Variants in LYPLAL1 observed in about 807,000 individuals in gnomAD.
LYPLAL1 encodes lysophospholipase like 1.
Under a neutral mutation model 19.7 loss-of-function variants are expected in LYPLAL1, and 23 were observed. The ratio of observed to expected loss-of-function variants is 1.17; its 90% CI spans 0.84 to 1.65. LYPLAL1 has a LOEUF of 1.65. Ranked by LOEUF, LYPLAL1 falls within the 40% of genes most tolerant of loss-of-function variation. The pLI, the probability that LYPLAL1 is intolerant of heterozygous loss-of-function variation, is 0.00. For synonymous variants in LYPLAL1, 119 were observed against 96.3 expected, an observed-to-expected ratio of 1.24 and a Z score of -1.38; for missense variants, 355 against 279.4, an observed-to-expected ratio of 1.27 and a Z score of -1.93.
At chr1:219,273,222 T>C in the LYPLAL1 span, 3 of 152,238 alleles carry the variant, frequency 2.0e-5, no homozygotes, top group Non-Finnish European at 2.9e-5. Context: ...TAAACATTTT[T>C]AAAGTTCTTA....
At chr1:219,430,501 T>C in the LYPLAL1 span, among the ~76,000 whole-genome samples, 29 of 152,324 alleles carry the variant, frequency 1.9e-4, no homozygotes, top group African/African-American at 6.7e-4. Flanking sequence ...TTATGCATAA[T>C]TAGACAGACT....
intron 2 of LYPLAL1, among the ~76,000 whole-genome samples, chr1:219,184,497 G>A (rs1656563060): frequency 6.6e-6 from 1 of 151,870 alleles, no homozygotes; most frequent in Admixed American, 6.6e-5. Flanking sequence ...CCAGTACAAT[G>A]TTAAATAGAA....
At chr1:219,404,342 A>G in the LYPLAL1 span, among the ~76,000 whole-genome samples, 1 of 152,176 alleles carries the variant, frequency 6.6e-6, no homozygotes, top group Non-Finnish European at 1.5e-5. Context: ...ATTAAAATCC[A>G]AAAGAGTAAT....
chr1:219,401,111 T>C, the LYPLAL1 span, among the ~76,000 whole-genome samples: 1 of 152,086 alleles, frequency 6.6e-6, no homozygotes, highest in East Asian at 1.9e-4. Context: ...TAACATTTTG[T>C]TTTTTCTAAT....
the LYPLAL1 span, among the ~76,000 whole-genome samples, chr1:219,410,767 C>T: frequency 6.6e-6 from 1 of 152,236 alleles, no homozygotes; most frequent in African/African-American, 2.4e-5. Flanking sequence ...CCCTGCTGGC[C>T]CCGGGCAATG....
At chr1:219,376,656 A>G in the LYPLAL1 span, among the ~76,000 whole-genome samples, 6 of 152,368 alleles carry the variant, frequency 3.9e-5, no homozygotes, top group African/African-American at 1.4e-4. Flanking sequence ...GCAAAGGGTA[A>G]GGATATATAT....
chr1:219,419,594 C>CACACAGAGAGAGAG, the LYPLAL1 span, among the ~76,000 whole-genome samples: 745 of 99,562 alleles, frequency 7.5e-3, 18 homozygotes, highest in African/African-American at 0.021. Flanking sequence ...CACACACACA[C>CACACAGAGAGAGAG]AGAGAGAGAG....
the LYPLAL1 span, among the ~76,000 whole-genome samples, chr1:219,331,162 A>G: frequency 2.1e-4 from 32 of 152,252 alleles, no homozygotes; most frequent in East Asian, 1.4e-3. Context: ...GGTAATATAG[A>G]TATCTCAGGC....
chr1:219,290,448 C>T, the LYPLAL1 span, among the ~76,000 whole-genome samples: 1 of 152,178 alleles, frequency 6.6e-6, no homozygotes, highest in South Asian at 2.1e-4. Flanking sequence ...CTTCCAACAT[C>T]TTGAGAAGCA....
At chr1:219,357,542 A>G in the LYPLAL1 span, among the ~76,000 whole-genome samples, 2 of 152,224 alleles carry the variant, frequency 1.3e-5, no homozygotes, top group African/African-American at 4.8e-5. Context: ...AAAGATGTGT[A>G]GCAAAAGAAA....
downstream of LYPLAL1, among the ~76,000 whole-genome samples, chr1:219,217,458 A>G (rs1659337628): frequency 6.7e-6 from 1 of 148,844 alleles, no homozygotes. Context: ...TGTGGAAGAT[A>G]TATCGAAATA....
the LYPLAL1 span, among the ~76,000 whole-genome samples, chr1:219,234,427 T>G: frequency 1.3e-5 from 2 of 152,270 alleles, no homozygotes; most frequent in East Asian, 3.9e-4. Context: ...CCTTAAGTAA[T>G]AGTTTATTTC....
chr1:219,193,869 T>C (rs1657396480), intron 3 of LYPLAL1, among the ~76,000 whole-genome samples: 1 of 151,884 alleles, frequency 6.6e-6, no homozygotes, highest in South Asian at 2.1e-4. Flanking sequence ...GTACACGACA[T>C]ATTTTGGTGA....
intron 2 of LYPLAL1, chr1:219,179,488 C>A: frequency 2.5e-6 from 1 of 393,276 alleles, no homozygotes. Flanking sequence ...AACTGTGTCC[C>A]AAGCATGGCT....
the LYPLAL1 span, among the ~76,000 whole-genome samples, chr1:219,426,387 A>G: frequency 1.3e-5 from 2 of 152,108 alleles, no homozygotes; most frequent in Non-Finnish European, 2.9e-5. Flanking sequence ...ACATTAGAGA[A>G]GTTTCATAGG....
At chr1:219,355,124 C>T in the LYPLAL1 span, among the ~76,000 whole-genome samples, 2 of 152,168 alleles carry the variant, frequency 1.3e-5, no homozygotes, top group South Asian at 2.1e-4. Context: ...CAATGATGGA[C>T]GTGTTCTCTA....
the LYPLAL1 span, among the ~76,000 whole-genome samples, chr1:219,298,651 A>T: frequency 3.9e-5 from 6 of 152,242 alleles, no homozygotes; most frequent in African/African-American, 1.4e-4. Context: ...CCTCTGACAC[A>T]TCTCCTGGCT....
chr1:219,314,060 T>C, the LYPLAL1 span, among the ~76,000 whole-genome samples: 1 of 152,242 alleles, frequency 6.6e-6, no homozygotes, highest in African/African-American at 2.4e-5. Flanking sequence ...CTCCCACTTA[T>C]AAGTGAGAAC....
intron 2 of LYPLAL1, among the ~76,000 whole-genome samples, chr1:219,181,371 A>T (rs943250105): frequency 1.3e-5 from 2 of 152,196 alleles, no homozygotes; most frequent in African/African-American, 4.8e-5. Context: ...TAGAACTTAA[A>T]GAGGAGTTCC....
Sources: allele counts gnomAD v4.1 joint callset (sites outside exome capture counted in the v4.1 genomes callset), GRCh38; gene constraint gnomAD v4.1.1; transcripts MANE v1.5; gene names NCBI Gene and HGNC (gene_info 2026-07-23, HGNC 2026-07-21).